ENPP3: variants seen among roughly 807,000 people sequenced by gnomAD.
ENPP3 encodes ectonucleotide pyrophosphatase/phosphodiesterase 3.
In ENPP3, 104 loss-of-function variants were observed where a neutral mutation model predicts 117.8. That is an observed-to-expected ratio of 0.88 (90% CI 0.75 to 1.04). The LOEUF is 1.04. Among genes scored for constraint, ENPP3 ranks in the 50% least tolerant of loss-of-function variants. The pLI is 0.00. For missense variants in ENPP3, 1,026 were observed against 1,051.9 expected, an observed-to-expected ratio of 0.98 and a Z score of 0.34; for synonymous variants, 380 against 349.9, an observed-to-expected ratio of 1.09 and a Z score of -0.96.
intron 14 of ENPP3, among the ~76,000 whole-genome samples, chr6:131,691,697 T>C (rs1044078754): frequency 1.3e-5 from 2 of 151,972 alleles, no homozygotes; most frequent in Non-Finnish European, 2.9e-5. Context: ...TCTTCACAGG[T>C]AGGTAGTGAG....
intron 2 of ENPP3, among the ~76,000 whole-genome samples, chr6:131,644,515 AGAG>A: frequency 6.6e-6 from 1 of 152,336 alleles, no homozygotes; most frequent in East Asian, 1.9e-4. Flanking sequence ...AGAGTAAGAA[AGAG>A]GAGTCAAGAA....
intron 15 of ENPP3, among the ~76,000 whole-genome samples, chr6:131,712,040 A>G (rs1366503873): frequency 7.6e-6 from 1 of 130,866 alleles, no homozygotes; most frequent in Non-Finnish European, 1.5e-5. Context: ...ATTAGAATCT[A>G]TGAAAATAAA....
chr6:131,695,777 A>G (rs202203303), intron 15 of ENPP3, among the ~76,000 whole-genome samples: 1 of 152,062 alleles, frequency 6.6e-6, no homozygotes, highest in Non-Finnish European at 1.5e-5. Flanking sequence ...TTGGCCAGGC[A>G]TGGTGGCGTG....
chr6:131,674,822 G>A (rs1291339404), intron 8 of ENPP3, among the ~76,000 whole-genome samples: 3 of 151,830 alleles, frequency 2.0e-5, no homozygotes, highest in Admixed American at 6.6e-5. Flanking sequence ...CTCCTGCCTC[G>A]GCCTCCCAAA....
chr6:131,729,068 A>C (rs142684270), intron 20 of ENPP3, among the ~76,000 whole-genome samples: 12 of 152,304 alleles, frequency 7.9e-5, no homozygotes, highest in African/African-American at 2.9e-4. Flanking sequence ...GTATCTATGT[A>C]TCTCTCGCTC....
At chr6:131,733,779 T>C (rs1353598691) in intron 21 of ENPP3, 56 bp downstream of exon 21, 2 of 1,579,852 alleles carry the variant, frequency 1.3e-6, no homozygotes, top group Admixed American at 3.4e-5. Context: ...CAGCTGGATG[T>C]GGGCATGTGC....
chr6:131,665,677 C>T (rs1778601905), intron 6 of ENPP3, among the ~76,000 whole-genome samples: 1 of 152,006 alleles, frequency 6.6e-6, no homozygotes, highest in African/African-American at 2.4e-5. Context: ...TTTCGAAGAA[C>T]CAACTCTTAG....
Position 131,677,885 on chromosome 6 carries a change from T to C in ENPP3, c.956T>C (p.Met319Thr). Reference sequence around the variant, plus strand: ...ACCCCTAGACCCAGGTTTTATACCATGTATTTTGAAGAACCTGATTCCTCT... The same window carrying C: ...ACCCCTAGACCCAGGTTTTATACCACGTATTTTGAAGAACCTGATTCCTCT... ...PKAERPRFYT[M>T]YFEEPDSSGH... Residue 319 changes from methionine (M) to threonine (T), a missense_variant, in exon 11 of 25, where the codon ATG becomes ACG. Transcript: ENST00000357639. The C allele has an allele frequency of 1.2e-6, 2 of 1,608,468 alleles. No individual in the cohort carries two copies. Among genetic ancestry groups the C allele is most frequent in the Non-Finnish European group, 8.5e-7 (1 of 1,174,996 alleles).
At chr6:131,694,788 CGCACCACT>C (rs2114456296) in intron 15 of ENPP3, among the ~76,000 whole-genome samples, 1 of 149,942 alleles carries the variant, frequency 6.7e-6, no homozygotes, top group African/African-American at 2.5e-5. Flanking sequence ...GAGCCAAGAT[CGCACCACT>C]GCACTCCAGC....
chr6:131,701,569 G>A (rs1158259722), intron 15 of ENPP3, among the ~76,000 whole-genome samples: 4 of 146,008 alleles, frequency 2.7e-5, no homozygotes, highest in Non-Finnish European at 4.5e-5. Flanking sequence ...ATTTGGTAAC[G>A]CTAAAATAAA....
chr6:131,654,121 ATT>A (rs1024630977), intron 5 of ENPP3, among the ~76,000 whole-genome samples: 29 of 148,086 alleles, frequency 2.0e-4, no homozygotes, highest in Non-Finnish European at 3.7e-4. Context: ...TATTATTATT[ATT>A]ATTATTATTA....
chr6:131,650,895 G>A (rs937176664), intron 3 of ENPP3, among the ~76,000 whole-genome samples: 1 of 151,980 alleles, frequency 6.6e-6, no homozygotes, highest in Non-Finnish European at 1.5e-5. Context: ...CTACCCTAAT[G>A]ACCTCATTTT....
intron 15 of ENPP3, chr6:131,701,201 G>A (rs1234983652): frequency 2.6e-6 from 3 of 1,143,292 alleles, no homozygotes; most frequent in South Asian, 1.3e-5. Context: ...CGATGTCGAC[G>A]ACCGCCAGGT....
intron 3 of ENPP3, among the ~76,000 whole-genome samples, chr6:131,650,623 T>C (rs1445277891): frequency 6.6e-6 from 1 of 152,230 alleles, no homozygotes; most frequent in East Asian, 1.9e-4. Flanking sequence ...AAGTCTGTTT[T>C]CTTACAGTTT....
intron 3 of ENPP3, among the ~76,000 whole-genome samples, chr6:131,650,757 G>A (rs1665668783): frequency 6.6e-6 from 1 of 152,116 alleles, no homozygotes; most frequent in African/African-American, 2.4e-5. Context: ...TTGGCCTGTG[G>A]CAGCACAGCT....
At position 131,658,498 on chromosome 6, in the gene ENPP3, T is replaced by G. The variant is rs926178515; in HGVS notation, c.562+78T>G. ...AATCTCTAGAGGATGCAACTTTCTT[T>G]CTGACTTTTAACGCTGGTGGTTTGT... On this transcript the variant is annotated intron_variant, in intron 6 of 24. Coordinates refer to ENST00000357639, the MANE Select transcript of ENPP3 (RefSeq NM_005021.5). The G allele has an allele frequency of 3.8e-6, 3 of 790,906 alleles. No individual in the cohort carries two copies. In the African/African-American group the frequency reaches 5.1e-5, roughly 14 times the overall value. The allele number at this position is 790,906 out of a possible 1,614,324, so 49.0% of individuals were successfully genotyped here.
intron 4 of ENPP3, 69 bp downstream of exon 4, chr6:131,652,736 A>G (rs1778290566): frequency 7.5e-6 from 12 of 1,600,084 alleles, no homozygotes; most frequent in Admixed American, 6.7e-5. Flanking sequence ...TCCTAGAGCC[A>G]TGCTAGGCTG....
chr6:131,716,307 G>A (rs1779886748), intron 15 of ENPP3, among the ~76,000 whole-genome samples: 1 of 152,176 alleles, frequency 6.6e-6, no homozygotes, highest in Non-Finnish European at 1.5e-5. Context: ...TGAGGAGGTA[G>A]AGAGCAAATT....
At chr6:131,742,166 GT>G (rs1780540290) in intron 24 of ENPP3, among the ~76,000 whole-genome samples, 2 of 152,116 alleles carry the variant, frequency 1.3e-5, no homozygotes, top group African/African-American at 4.8e-5. Context: ...AGGAAGAAGA[GT>G]TTCTGAACAG....
Sources: allele counts gnomAD v4.1 joint callset (sites outside exome capture counted in the v4.1 genomes callset), GRCh38; gene constraint gnomAD v4.1.1; transcripts MANE v1.5; gene names NCBI Gene and HGNC (gene_info 2026-07-23, HGNC 2026-07-21).